RAB3C: variants seen among roughly 807,000 people sequenced by gnomAD.
RAB3C encodes the protein ras-related protein Rab-3C.
In RAB3C, 17 loss-of-function variants were observed where a neutral mutation model predicts 26.4. The observed-to-expected ratio is 0.64, with a 90% CI of 0.44 to 0.97. The LOEUF is 0.97. RAB3C is among the 50% of genes least tolerant of loss of function. The probability of loss-of-function intolerance (pLI) is 0.00; values close to 1 mark genes in which losing one functional copy is unlikely to be tolerated. For synonymous variants in RAB3C, 91 were observed against 95.9 expected, an observed-to-expected ratio of 0.95 and a Z score of 0.30; for missense variants, 242 against 281.9, an observed-to-expected ratio of 0.86 and a Z score of 1.01.
At chr5:58,623,135 A>G (rs1169036354) in intron 2 of RAB3C, among the ~76,000 whole-genome samples, 1 of 152,242 alleles carries the variant, frequency 6.6e-6, no homozygotes, top group African/African-American at 2.4e-5. Flanking sequence ...TGTTTAAAAC[A>G]CATAGATATG....
intron 3 of RAB3C, among the ~76,000 whole-genome samples, chr5:58,797,339 C>CAAAAAAAA (rs1206716376): frequency 2.4e-4 from 3 of 12,744 alleles, no homozygotes; most frequent in Non-Finnish European, 3.9e-4. Flanking sequence ...CCCTGGAAGA[C>CAAAAAAAA]AAAAAAAAAA....
Position 58,854,222 on chromosome 5 carries a change from T to C in RAB3C, c.*2871T>C, listed in dbSNP as rs1744205429. 6.6e-6 allele frequency: 1 copy of C among 152,198 alleles called. No homozygotes were observed. The highest frequency in any genetic ancestry group is 2.4e-5 in the African/African-American group (1 of 41,446). 9.4% of individuals were successfully genotyped at this position (152,198 alleles called of 1,614,324 possible). A position where few individuals can be genotyped will look rare whatever the true frequency, so the allele number is the denominator to read the frequency against. The stretch of plus-strand genomic sequence containing the variant: ...GTAAGTTATACACATTTATCTCTTG[T>C]CTTTGATTTAATTAAATTAGTGTTT... On this transcript the variant is annotated 3_prime_UTR_variant, in exon 5 of 5. Coordinates refer to ENST00000282878, the MANE Select transcript of RAB3C (RefSeq NM_138453.4).
At chr5:58,694,708 G>A (rs957160360) in intron 2 of RAB3C, among the ~76,000 whole-genome samples, 4 of 152,160 alleles carry the variant, frequency 2.6e-5, no homozygotes, top group Non-Finnish European at 5.9e-5. Flanking sequence ...TTTTTCATGT[G>A]TCTGTTGGCT....
At chr5:58,781,288 T>C (rs1742264320) in intron 3 of RAB3C, among the ~76,000 whole-genome samples, 1 of 152,156 alleles carries the variant, frequency 6.6e-6, no homozygotes, top group Admixed American at 6.5e-5. Flanking sequence ...TAGGTAGATA[T>C]GATTGGTTAA....
chr5:58,672,641 T>C (rs1212383242), intron 2 of RAB3C, among the ~76,000 whole-genome samples: 1 of 152,208 alleles, frequency 6.6e-6, no homozygotes, highest in Admixed American at 6.5e-5. Context: ...TATTGAGATA[T>C]AATTGACAAA....
chr5:58,623,645 A>G (rs773235512), intron 2 of RAB3C, among the ~76,000 whole-genome samples: 22 of 152,252 alleles, frequency 1.4e-4, no homozygotes, highest in Non-Finnish European at 2.8e-4. Context: ...GAGCTCCTAC[A>G]TCCCACTGTG....
At chr5:58,644,989 A>G (rs1357627925) in intron 2 of RAB3C, among the ~76,000 whole-genome samples, 1 of 152,254 alleles carries the variant, frequency 6.6e-6, no homozygotes, top group East Asian at 1.9e-4. Flanking sequence ...GAGTAATTCA[A>G]GAATCAAGTA....
intron 3 of RAB3C, among the ~76,000 whole-genome samples, chr5:58,821,907 T>A (rs1743349761): frequency 6.6e-6 from 1 of 152,236 alleles, no homozygotes; most frequent in South Asian, 2.1e-4. Flanking sequence ...TGAGAACAGC[T>A]CATTGCCACT....
intron 3 of RAB3C, among the ~76,000 whole-genome samples, chr5:58,745,422 A>G (rs1741382834): frequency 6.7e-6 from 1 of 150,058 alleles, no homozygotes; most frequent in Non-Finnish European, 1.5e-5. Context: ...AAAAAAAAGA[A>G]AGTAGATGGG....
At chr5:58,700,939 G>C (rs1748828842) in intron 2 of RAB3C, among the ~76,000 whole-genome samples, 1 of 151,904 alleles carries the variant, frequency 6.6e-6, no homozygotes, top group African/African-American at 2.4e-5. Flanking sequence ...TTGAAAGGAG[G>C]TAGCTTTTGA....
chr5:58,761,059 T>TCACACACACACA (rs777146349), intron 3 of RAB3C, among the ~76,000 whole-genome samples: 1 of 68,582 alleles, frequency 1.5e-5, no homozygotes, highest in East Asian at 3.3e-4. Context: ...CCTCTCTCTC[T>TCACACACACACA]CTCTCACACA....
chr5:58,646,771 C>T (rs1024034341), intron 2 of RAB3C, among the ~76,000 whole-genome samples: 3 of 152,254 alleles, frequency 2.0e-5, no homozygotes, highest in African/African-American at 7.2e-5. Flanking sequence ...CCATGCATCT[C>T]TAGGGTGGGT....
At chr5:58,590,664 T>C (rs1022261215) in intron 1 of RAB3C, among the ~76,000 whole-genome samples, 1 of 152,106 alleles carries the variant, frequency 6.6e-6, no homozygotes, top group Admixed American at 6.5e-5. Flanking sequence ...TGCCTCAGCC[T>C]CCTGAGTAGC....
intron 4 of RAB3C, among the ~76,000 whole-genome samples, chr5:58,827,881 G>A (rs1379923815): frequency 3.9e-5 from 6 of 152,142 alleles, no homozygotes; most frequent in Non-Finnish European, 8.8e-5. Context: ...TCTTTGCTTT[G>A]TTTTTTAATT....
chr5:58,592,465 T>G (rs1202134623), intron 1 of RAB3C, among the ~76,000 whole-genome samples: 1 of 152,096 alleles, frequency 6.6e-6, no homozygotes, highest in Admixed American at 6.6e-5. Flanking sequence ...TTTTTTTAAT[T>G]AAGAGAAGAA....
intron 2 of RAB3C, among the ~76,000 whole-genome samples, chr5:58,701,722 T>C (rs144029209): frequency 1.3e-5 from 2 of 152,328 alleles, no homozygotes; most frequent in Admixed American, 1.3e-4. Context: ...CCCCTTCCTC[T>C]ACCTTCATAG....
intron 2 of RAB3C, among the ~76,000 whole-genome samples, chr5:58,699,759 G>A (rs1434185856): frequency 2.6e-5 from 4 of 152,224 alleles, no homozygotes; most frequent in Non-Finnish European, 4.4e-5. Flanking sequence ...CATGGGCATG[G>A]GACCCACCAA....
At chr5:58,780,180 A>G (rs1310171999) in intron 3 of RAB3C, among the ~76,000 whole-genome samples, 2 of 152,164 alleles carry the variant, frequency 1.3e-5, no homozygotes, top group Admixed American at 6.5e-5. Context: ...CAGTGGTCAA[A>G]TAGCAAGGCC....
At chr5:58,827,499 G>T (rs1743511832) in intron 4 of RAB3C, among the ~76,000 whole-genome samples, 3 of 152,224 alleles carry the variant, frequency 2.0e-5, no homozygotes, top group African/African-American at 7.2e-5. Context: ...AGACCAGGTT[G>T]TGAAAAGGGA....
Sources: allele counts gnomAD v4.1 joint callset (sites outside exome capture counted in the v4.1 genomes callset), GRCh38; gene constraint gnomAD v4.1.1; transcripts MANE v1.5; gene names NCBI Gene and HGNC (gene_info 2026-07-23, HGNC 2026-07-21).